GATAD2B: variants seen among roughly 807,000 people sequenced by gnomAD.
GATAD2B encodes GATA zinc finger domain containing 2B.
Under a neutral mutation model 64.3 loss-of-function variants are expected in GATAD2B, and 8 were observed. The ratio of observed to expected loss-of-function variants is 0.12; its 90% CI spans 0.07 to 0.22. The LOEUF is 0.22. Ranked by LOEUF, GATAD2B falls within the 10% of genes least tolerant of loss-of-function variation. The pLI is 1.00. For missense variants in GATAD2B, 453 were observed against 752.0 expected (o/e 0.60, Z 4.65); for synonymous variants, 281 against 271.3 (o/e 1.04, Z -0.35).
chr1:153,868,131 G>A (rs1557813333), intron 1 of GATAD2B, among the ~76,000 whole-genome samples: 1 of 152,138 alleles, frequency 6.6e-6, no homozygotes, highest in South Asian at 2.1e-4. Flanking sequence ...AACCCGGGAG[G>A]GAGGAGGTTG....
At chr1:153,827,870 T>C in intron 2 of GATAD2B, 143 bp downstream of exon 2, 1 of 660,614 alleles carries the variant, frequency 1.5e-6, no homozygotes. Context: ...GGAAATAAAA[T>C]GAATTTATGG....
At chr1:153,833,316 T>G (rs1269898442) in intron 1 of GATAD2B, among the ~76,000 whole-genome samples, 1 of 152,174 alleles carries the variant, frequency 6.6e-6, no homozygotes, top group Non-Finnish European at 1.5e-5. Context: ...ACAGTATGGT[T>G]TACTGAATAT....
At chr1:153,824,097 C>T (rs930368311) in intron 2 of GATAD2B, among the ~76,000 whole-genome samples, 2 of 152,186 alleles carry the variant, frequency 1.3e-5, no homozygotes, top group East Asian at 3.8e-4. Context: ...GAGTCCCAAG[C>T]TTCCAGAGGA....
At chr1:153,912,873 A>G (rs1678147050) in intron 1 of GATAD2B, among the ~76,000 whole-genome samples, 1 of 151,980 alleles carries the variant, frequency 6.6e-6, no homozygotes, top group Non-Finnish European at 1.5e-5. Context: ...CAGGCGGATC[A>G]CCTGAGGTCA....
At chr1:153,822,888 C>T (rs1425530922) in intron 2 of GATAD2B, among the ~76,000 whole-genome samples, 2 of 152,114 alleles carry the variant, frequency 1.3e-5, no homozygotes, top group Non-Finnish European at 2.9e-5. Context: ...TCATTTGTGG[C>T]TCACTGCAGT....
chr1:153,825,405 G>A (rs1363088129), intron 2 of GATAD2B, among the ~76,000 whole-genome samples: 1 of 152,052 alleles, frequency 6.6e-6, no homozygotes, highest in Non-Finnish European at 1.5e-5. Context: ...TTCCTAAGAG[G>A]TTTTTTTGTG....
intron 1 of GATAD2B, among the ~76,000 whole-genome samples, chr1:153,872,042 G>A (rs1676683838): frequency 6.6e-6 from 1 of 152,050 alleles, no homozygotes; most frequent in African/African-American, 2.4e-5. Flanking sequence ...CCTAGGCTAG[G>A]CGCGGTGGCT....
chr1:153,921,799 G>T (rs1364579620), intron 1 of GATAD2B: 2 of 152,216 alleles, frequency 1.3e-5, no homozygotes, highest in African/African-American at 2.4e-5. Flanking sequence ...CTTGTGTTTG[G>T]AAGTTGATGC....
intron 5 of GATAD2B, 39 bp downstream of exon 5, chr1:153,818,001 C>G: frequency 2.0e-6 from 3 of 1,534,274 alleles, no homozygotes; most frequent in Non-Finnish European, 2.6e-6. Context: ...GGATTAGACA[C>G]GGCCCTCCAA....
chr1:153,870,403 C>T (rs1363147432), intron 1 of GATAD2B, among the ~76,000 whole-genome samples: 1 of 152,122 alleles, frequency 6.6e-6, no homozygotes, highest in Non-Finnish European at 1.5e-5. Context: ...AACCCCGTCT[C>T]TACTAAAAAA....
At chr1:153,850,831 G>GA (rs1675866055) in intron 1 of GATAD2B, among the ~76,000 whole-genome samples, 1 of 151,762 alleles carries the variant, frequency 6.6e-6, no homozygotes, top group African/African-American at 2.4e-5. Flanking sequence ...TGCGGCAGGA[G>GA]AATCGCTTGA....
At chr1:153,885,283 G>A (rs935379154) in intron 1 of GATAD2B, among the ~76,000 whole-genome samples, 1 of 151,924 alleles carries the variant, frequency 6.6e-6, no homozygotes, top group Non-Finnish European at 1.5e-5. Flanking sequence ...GAAAATATTA[G>A]CCAAATATGA....
At chr1:153,878,165 T>C (rs1264163826) in intron 1 of GATAD2B, among the ~76,000 whole-genome samples, 1 of 151,228 alleles carries the variant, frequency 6.6e-6, no homozygotes, top group Non-Finnish European at 1.5e-5. Flanking sequence ...CTGCAATCTT[T>C]TTTTTTTTTT....
intron 10 of GATAD2B, chr1:153,811,476 C>G (rs966177969): frequency 1.3e-5 from 7 of 530,164 alleles, no homozygotes; most frequent in African/African-American, 1.2e-4. Context: ...AACCACATGT[C>G]TACTGAAGGG....
intron 1 of GATAD2B, among the ~76,000 whole-genome samples, chr1:153,892,360 C>A (rs994702547): frequency 2.6e-5 from 4 of 152,006 alleles, no homozygotes; most frequent in Non-Finnish European, 4.4e-5. Context: ...GAAAAAAGAT[C>A]TAGCTGACCA....
chr1:153,883,714 T>C (rs1393083202), intron 1 of GATAD2B, among the ~76,000 whole-genome samples: 1 of 152,060 alleles, frequency 6.6e-6, no homozygotes, highest in Non-Finnish European at 1.5e-5. Context: ...TTTTTTTTTT[T>C]CTTTTTTATC....
rs533063966 is a variant in GATAD2B, at chr1:153,877,707, G to A, written c.-2+45026C>T. Among the ~76,000 whole-genome samples the A allele has an allele frequency of 5.9e-5, 9 of 151,794 alleles. No homozygotes were observed. The South Asian group carries it at 1.0e-3, about 18-fold the overall frequency. On this transcript the variant is annotated intron_variant, in intron 1 of 10. Transcript: ENST00000368655. ...AGCCTGACCAACATGGTGAAACCTC[G>A]TCTCTACTAAAAATACGAAAATTAG...
At chr1:153,847,670 T>G (rs1477144882) in intron 1 of GATAD2B, among the ~76,000 whole-genome samples, 1 of 152,196 alleles carries the variant, frequency 6.6e-6, no homozygotes, top group East Asian at 1.9e-4. Context: ...AGAAATTCTG[T>G]GAAATTTTCT....
At chr1:153,875,768 A>T (rs1194360242) in intron 1 of GATAD2B, among the ~76,000 whole-genome samples, 1 of 151,972 alleles carries the variant, frequency 6.6e-6, no homozygotes, top group Admixed American at 6.6e-5. Context: ...AACAAACCCA[A>T]CAGACAGGAA....
Sources: gnomAD v4.1 joint callset for allele counts (sites outside exome capture counted in the v4.1 genomes callset) on GRCh38, gnomAD v4.1.1 for gene constraint, MANE v1.5 for transcripts, NCBI Gene and HGNC (gene_info 2026-07-23, HGNC 2026-07-21) for gene names.